Variants in C1QTNF5 observed in about 807,000 individuals in gnomAD.
The protein encoded by C1QTNF5 is complement C1q tumor necrosis factor-related protein 5.
C1QTNF5 carries 5 observed loss-of-function variants against 10.9 expected under a neutral mutation model. The observed-to-expected ratio is 0.46, with a 90% confidence interval of 0.24 to 0.97. C1QTNF5 has a LOEUF of 0.97. Ranked by LOEUF, C1QTNF5 falls within the 50% of genes least tolerant of loss-of-function variation. C1QTNF5 has a pLI of 0.19. For missense variants in C1QTNF5, 281 were observed against 339.4 expected, an observed-to-expected ratio of 0.83 and a Z score of 1.35; for synonymous variants, 161 against 156.5, an observed-to-expected ratio of 1.03 and a Z score of -0.22.
At chr11:119,344,405 G>T (rs974612037), upstream of C1QTNF5, 1 of 1,612,234 alleles carries the variant, frequency 6.2e-7, no homozygotes, top group Non-Finnish European at 8.5e-7. Flanking sequence ...TAGAGAGGTG[G>T]AAGGGCTCAT....
upstream of C1QTNF5, chr11:119,342,058 G>T: frequency 5.0e-6 from 8 of 1,588,200 alleles, no homozygotes; most frequent in Middle Eastern, 3.4e-4. Flanking sequence ...TCACCGAATC[G>T]CTCGGTCCTG....
In C1QTNF5 at chr11:119,339,622, C is replaced by G. The variant is rs1197202154; in HGVS notation, c.441G>C (p.Val147=). 3.7e-6 allele frequency: 6 copies of G among 1,613,114 alleles called. No homozygotes were observed. The highest frequency in any genetic ancestry group is 5.1e-6 in the Non-Finnish European group (6 of 1,180,032). ...GGACGGCGAAGTAGTAGACCCCAGG[C>G]ACCTGGCAGGTGAACTTGCCGGTGA... The part of the protein sequence containing the change: ...DAVTGKFTCQ[V]PGVYYFAVHA... Residue 147 remains valine, a synonymous_variant, in exon 3 of 3, where the codon GTG becomes GTC. Transcript: ENST00000528368. This position sits in a 1 kb window ranked among gnomAD's most constrained non-coding sequence, Gnocchi z 5.4.
upstream of C1QTNF5, chr11:119,345,582 T>C: frequency 6.2e-7 from 1 of 1,613,594 alleles, no homozygotes; most frequent in Non-Finnish European, 8.5e-7. Flanking sequence ...AGGGTCTGGG[T>C]AGTTAGGGCT....
At chr11:119,346,322 G>A in the C1QTNF5 span, 3 of 1,613,930 alleles carry the variant, frequency 1.9e-6, no homozygotes, top group Non-Finnish European at 2.5e-6. Flanking sequence ...GAAAACTGGG[G>A]GAGGGCAGGG....
upstream of C1QTNF5, chr11:119,342,655 C>T (rs766037107): frequency 6.8e-6 from 11 of 1,613,728 alleles, no homozygotes; most frequent in East Asian, 2.5e-4. Context: ...GCAGTCTCTC[C>T]ACATGTCACA....
upstream of C1QTNF5, chr11:119,345,598 A>G: frequency 6.2e-7 from 1 of 1,613,852 alleles, no homozygotes; most frequent in Non-Finnish European, 8.5e-7. Flanking sequence ...GGGCTGCTGA[A>G]GAAGCCCCTT....
rs1950487678 is a variant in C1QTNF5 at position 119,340,217 on chromosome 11, C to T, written c.181G>A (p.Ala61Thr). ...CCGCCCTCGCCTTTCTCTCCCGGAG[C>T]CCCGGGCGCGCCGTCGCGGCCGTCG... ...GRDGRDGAPG[A>T]PGEKGEGGRP... The change falls in exon 2 of 3, where the codon GCT becomes ACT. Residue 61 changes from alanine (A) to threonine (T), a missense_variant. Ala to Thr is a moderately conservative substitution (Grantham distance 58, BLOSUM62 0). Coordinates refer to ENST00000528368, the MANE Select transcript of C1QTNF5 (RefSeq NM_001278431.2). The T allele has an allele frequency of 2.0e-6, 3 of 1,514,088 alleles. No individual in the cohort carries two copies. Among genetic ancestry groups the T allele is most frequent in the Admixed American group, 2.1e-5 (1 of 46,570 alleles). 93.8% of individuals were successfully genotyped at this position (1,514,088 alleles called of 1,614,324 possible).
In C1QTNF5 at chr11:119,339,436, C is replaced by A; in HGVS notation, c.627G>T (p.Val209=). 6.2e-7 allele frequency: 1 copy of A among 1,614,056 alleles called. No individual in the cohort carries two copies. Among genetic ancestry groups the A allele is most frequent in the South Asian group, 1.1e-5 (1 of 91,080 alleles). ...LEPEDQVWVQ[V]GVGDYIGIYA... ...AGATGCCAATGTAGTCACCCACACC[C>A]ACCTGCACCCACACTTGGTCCTCAG... The change falls in exon 3 of 3, where the codon GTG becomes GTT. Residue 209 remains valine, a synonymous_variant. Transcript: ENST00000528368. This position sits in a 1 kb window ranked among gnomAD's most constrained non-coding sequence, Gnocchi z 5.4.
chr11:119,345,795 G>A (rs780717889), upstream of C1QTNF5: 18 of 1,613,774 alleles, frequency 1.1e-5, no homozygotes, highest in Admixed American at 1.7e-5. Flanking sequence ...AGGGGCTCAC[G>A]CCTGACTCCT....
upstream of C1QTNF5, chr11:119,344,952 G>A (rs746412252): frequency 3.1e-6 from 5 of 1,609,860 alleles, no homozygotes; most frequent in Non-Finnish European, 4.2e-6. Flanking sequence ...AAGACCACCA[G>A]GAGGTGGCTG....
chr11:119,346,127 G>A, the C1QTNF5 span: 60 of 1,603,112 alleles, frequency 3.7e-5, no homozygotes, highest in East Asian at 1.8e-4. Context: ...CAGGAGAAGC[G>A]GCAGTCTGGC....
intron 1 of C1QTNF5, 70 bp from the exon 2 acceptor site, chr11:119,340,510 G>T: frequency 1.7e-6 from 2 of 1,196,526 alleles, no homozygotes; most frequent in Non-Finnish European, 2.4e-6. Flanking sequence ...ACCCCGGCGC[G>T]GCCCAGTCGG....
upstream of C1QTNF5, chr11:119,341,176 A>T (rs1481398565): frequency 2.0e-5 from 6 of 295,136 alleles, no homozygotes; most frequent in African/African-American, 1.3e-4. Context: ...AGGGCCTAGG[A>T]CAGGGGCCTG....
upstream of C1QTNF5, chr11:119,345,070 C>G: frequency 6.4e-7 from 1 of 1,561,470 alleles, no homozygotes; most frequent in South Asian, 1.2e-5. Context: ...AGGAGCTTGC[C>G]TGGGCCTTGC....
At chr11:119,346,258 C>A in the C1QTNF5 span, 1 of 1,605,976 alleles carries the variant, frequency 6.2e-7, no homozygotes, top group Non-Finnish European at 8.5e-7. Flanking sequence ...CAGGTCACCC[C>A]CTGGGATGGT....
At chr11:119,343,033 C>A (rs1950519466), upstream of C1QTNF5, 2 of 1,576,526 alleles carry the variant, frequency 1.3e-6, no homozygotes. Flanking sequence ...GTTCTGGGCA[C>A]CAGCCCTGGC....
chr11:119,340,315 C>T lies in C1QTNF5; in HGVS notation c.83G>A (p.Cys28Tyr). Residue 28 changes from cysteine (C) to tyrosine (Y), a missense_variant, in exon 2 of 3, where the codon TGC (cysteine) becomes TAC (tyrosine). Physicochemically the swap from Cys to Tyr is radical, Grantham distance 194. Coordinates refer to ENST00000528368, the MANE Select transcript of C1QTNF5 (RefSeq NM_001278431.2). Reference protein sequence around the residue: ...PLDDNKIPSLCPGHPGLPGTP... With the variant: ...PLDDNKIPSLYPGHPGLPGTP... ...GCCTGGAAGGCCGGGGTGCCCCGGG[C>T]AGAGGCTGGGGATCTTGTTGTCGTC... 2.6e-6 allele frequency: 4 copies of T among 1,540,454 alleles called. No individual in the cohort carries two copies. Among genetic ancestry groups the T allele is most frequent in the Non-Finnish European group, 3.5e-6 (4 of 1,144,088 alleles).
upstream of C1QTNF5, chr11:119,343,034 C>A: frequency 6.3e-7 from 1 of 1,576,448 alleles, no homozygotes; most frequent in Non-Finnish European, 8.6e-7. Context: ...TTCTGGGCAC[C>A]AGCCCTGGCT....
chr11:119,339,763 C>G lies in C1QTNF5; in HGVS notation c.300G>C (p.Val100=), dbSNP rs1950479465. Reference sequence around the variant, plus strand: ...TGGCGCTGAAGGCGGATCGCGGAGGCACCGAGCACTCCCCGGCAGGCCCGG... The same window carrying G: ...TGGCGCTGAAGGCGGATCGCGGAGGGACCGAGCACTCCCCGGCAGGCCCGG... The part of the protein sequence containing the change: ...GPTGPAGECS[V]PPRSAFSAKR... The change falls in exon 3 of 3, where the codon GTG becomes GTC. Residue 100 remains valine, a synonymous_variant. Transcript: ENST00000528368. The surrounding 1 kb of genome is among the most constrained non-coding windows in gnomAD (Gnocchi z 5.4). The G allele has an allele frequency of 8.2e-6, 13 of 1,583,398 alleles. No homozygotes were observed. The highest frequency in any genetic ancestry group is 1.0e-5 in the Non-Finnish European group (12 of 1,172,140).
Sources: allele counts gnomAD v4.1 joint callset, GRCh38; gene constraint gnomAD v4.1.1; non-coding constraint Gnocchi (gnomAD v3.1); transcripts MANE v1.5; gene names NCBI Gene and HGNC (gene_info 2026-07-23, HGNC 2026-07-21).